Variants in SUMF1 observed in about 807,000 individuals in gnomAD.
The protein encoded by SUMF1 is sulfatase modifying factor 1.
In SUMF1, 48 loss-of-function variants were observed where a neutral mutation model predicts 47.6. The observed-to-expected ratio is 1.01, with a 90% CI of 0.80 to 1.28. SUMF1 has a LOEUF of 1.28. SUMF1 is among the 50% of genes most tolerant of loss of function. The probability of loss-of-function intolerance (pLI) is 0.00; values close to 1 mark genes in which losing one functional copy is unlikely to be tolerated. For missense variants in SUMF1, 571 were observed against 485.4 expected, an observed-to-expected ratio of 1.18 and a Z score of -1.66; for synonymous variants, 230 against 192.1, an observed-to-expected ratio of 1.20 and a Z score of -1.63.
intron 8 of SUMF1, among the ~76,000 whole-genome samples, chr3:4,143,342 G>A (rs7632212): frequency 0.37 from 56,504 of 151,922 alleles, 11,187 homozygotes; most frequent in Non-Finnish European, 0.45. Context: ...TTGCATAGCA[G>A]TAACTTTTCC....
chr3:4,461,604 C>T (rs2125168697), intron 1 of SUMF1, among the ~76,000 whole-genome samples: 1 of 152,116 alleles, frequency 6.6e-6, no homozygotes, highest in Middle Eastern at 3.4e-3. Flanking sequence ...GCAATCATGA[C>T]TTCCATGTGA....
At chr3:4,070,880 C>T (rs1377625826) in intron 8 of SUMF1, among the ~76,000 whole-genome samples, 1 of 152,058 alleles carries the variant, frequency 6.6e-6, no homozygotes, top group Non-Finnish European at 1.5e-5. Context: ...ATCCACCCAC[C>T]TCGGCCTCCC....
intron 8 of SUMF1, among the ~76,000 whole-genome samples, chr3:4,182,081 GC>G (rs1695109624): frequency 6.6e-6 from 1 of 152,052 alleles, no homozygotes; most frequent in Admixed American, 6.6e-5. Context: ...CTTGCCCTGG[GC>G]CCTGAAAATC....
chr3:4,318,767 G>A (rs187812233), intron 8 of SUMF1, among the ~76,000 whole-genome samples: 1 of 152,162 alleles, frequency 6.6e-6, no homozygotes, highest in African/African-American at 2.4e-5. Flanking sequence ...AATAAGCTGG[G>A]CATAGTGGCA....
chr3:4,070,045 C>G (rs1695482770), intron 8 of SUMF1, among the ~76,000 whole-genome samples: 1 of 152,174 alleles, frequency 6.6e-6, no homozygotes, highest in Admixed American at 6.6e-5. Context: ...TTAGTCTCCA[C>G]AATCCTTTAT....
At position 4,413,745 on chromosome 3, in the gene SUMF1, G is replaced by C. The variant is rs188203729; in HGVS notation, c.841-2767C>G. Among the ~76,000 whole-genome samples the C allele has an allele frequency of 3.9e-5, 6 of 152,158 alleles. No individual in the cohort carries two copies. The East Asian group carries it at 1.2e-3, about 30-fold the overall frequency. On this transcript the variant is annotated intron_variant, in intron 6 of 8. Transcript: ENST00000272902. ...TTTGCTCAGTATAAAATCAGGTCTA[G>C]CTGGGTGTGGTGGTTCATGCCAGTA...
At chr3:4,176,291 A>T (rs545551846) in intron 8 of SUMF1, among the ~76,000 whole-genome samples, 1 of 152,272 alleles carries the variant, frequency 6.6e-6, no homozygotes, top group South Asian at 2.1e-4. Context: ...CCAGAGAGAA[A>T]GGTCGAGTTA....
intron 8 of SUMF1, among the ~76,000 whole-genome samples, chr3:4,348,456 G>C (rs1336460424): frequency 6.6e-6 from 1 of 152,132 alleles, no homozygotes; most frequent in Non-Finnish European, 1.5e-5. Context: ...AAATGGTGTT[G>C]GGAAAACTGG....
At chr3:4,105,844 G>A (rs1158761621) in intron 8 of SUMF1, among the ~76,000 whole-genome samples, 3 of 151,854 alleles carry the variant, frequency 2.0e-5, no homozygotes, top group Non-Finnish European at 2.9e-5. Context: ...TGTGTATCCT[G>A]GTCCAAGGAC....
intron 8 of SUMF1, among the ~76,000 whole-genome samples, chr3:4,352,507 C>T (rs1699524624): frequency 6.6e-6 from 1 of 152,100 alleles, no homozygotes; most frequent in Admixed American, 6.6e-5. Flanking sequence ...ATAATACAGC[C>T]ACCATCTGGG....
chr3:4,358,185 T>TA (rs1242301600), downstream of SUMF1, among the ~76,000 whole-genome samples: 100 of 151,046 alleles, frequency 6.6e-4, no homozygotes, highest in African/African-American at 1.9e-3. Context: ...TTTACAGCTT[T>TA]AAAAAAAAAG....
chr3:4,345,422 T>C (rs1157108906), intron 8 of SUMF1, among the ~76,000 whole-genome samples: 1 of 152,130 alleles, frequency 6.6e-6, no homozygotes, highest in Non-Finnish European at 1.5e-5. Context: ...GAATCTCATA[T>C]CCAGCCAAAC....
intron 8 of SUMF1, among the ~76,000 whole-genome samples, chr3:4,145,101 A>C (rs1015589600): frequency 2.0e-5 from 3 of 148,590 alleles, no homozygotes; most frequent in Non-Finnish European, 3.0e-5. Context: ...CAGGAGGCTG[A>C]GGCAGGAGAT....
chr3:4,222,304 G>A (rs1696083965), intron 8 of SUMF1, among the ~76,000 whole-genome samples: 1 of 151,930 alleles, frequency 6.6e-6, no homozygotes, highest in African/African-American at 2.4e-5. Context: ...GCACCATACT[G>A]TGATCACCTG....
chr3:4,178,986 G>A (rs2266336), intron 8 of SUMF1, among the ~76,000 whole-genome samples: 1 of 151,904 alleles, frequency 6.6e-6, no homozygotes, highest in South Asian at 2.1e-4. Context: ...ACTTACAAGG[G>A]ATGTGATGGA....
rs2079972191 is a variant in SUMF1, at chr3:4,467,073, G to A, written c.173C>T (p.Pro58Leu). 1.3e-6 allele frequency: 2 copies of A among 1,563,036 alleles called. No individual in the cohort carries two copies. Among genetic ancestry groups the A allele is most frequent in the Non-Finnish European group, 1.7e-6 (2 of 1,154,820 alleles). The stretch of plus-strand genomic sequence containing the variant: ...GGCTGCCGAACTGCCATGGGCGCCA[G>A]GCCGCTGGGGCGTGCCGCAGCCGCA... ...GSCGCGTPQRPGAHGSSAAAH... is the reference protein window; with the variant it reads ...GSCGCGTPQRLGAHGSSAAAH... The change falls in exon 1 of 9, where the codon CCT becomes CTT. Residue 58 changes from proline to leucine, a missense_variant. Physicochemically the swap from Pro to Leu is moderately conservative, Grantham distance 98. Transcript: ENST00000272902.
chr3:4,071,691 A>G lies in SUMF1; in HGVS notation c.1015-2946T>C, dbSNP rs144868134. 1.0e-3 allele frequency among the ~76,000 whole-genome samples: 153 copies of G among 152,322 alleles called. 1 individual carries two copies. Among genetic ancestry groups the G allele is most frequent in the African/African-American group, 3.5e-3 (145 of 41,572 alleles). On this transcript the variant is annotated intron_variant and NMD_transcript_variant, in intron 8 of 12. Coordinates refer to the SUMF1 transcript ENST00000448413. ...CACAGTGTAAACAAAGCTGCCAGGA[A>G]GCTCAAACTGGGTGGAGCCCACCAC...
intron 8 of SUMF1, among the ~76,000 whole-genome samples, chr3:4,304,392 T>G (rs1160290904): frequency 6.6e-6 from 1 of 152,210 alleles, no homozygotes; most frequent in Non-Finnish European, 1.5e-5. Context: ...TCCGCCCGCC[T>G]CGGCCTCCCA....
chr3:4,386,041 G>A (rs1453851225), intron 7 of SUMF1, among the ~76,000 whole-genome samples: 1 of 152,112 alleles, frequency 6.6e-6, no homozygotes, highest in Non-Finnish European at 1.5e-5. Context: ...TAGCTAAGTA[G>A]TAAGTCTTCA....
Sources: gnomAD v4.1 joint callset for allele counts (sites outside exome capture counted in the v4.1 genomes callset) on GRCh38, gnomAD v4.1.1 for gene constraint, MANE v1.5 for transcripts, NCBI Gene and HGNC (gene_info 2026-07-23, HGNC 2026-07-21) for gene names.